AEBP1: variants seen among roughly 807,000 people sequenced by gnomAD.
AEBP1 encodes AE binding protein 1.
Under a neutral mutation model 116.5 loss-of-function variants are expected in AEBP1, and 69 were observed. The ratio of observed to expected loss-of-function variants is 0.59; its 90% CI spans 0.49 to 0.72. The LOEUF is 0.72. AEBP1 is among the 30% of genes least tolerant of loss of function. The pLI is 0.00. For synonymous variants in AEBP1, 627 were observed against 627.3 expected (o/e 1.00, Z 0.01); for missense variants, 1,444 against 1,557.5 (o/e 0.93, Z 1.23).
At chr7:44,110,498 C>A in intron 11 of AEBP1, 152 bp downstream of exon 11, 2 of 1,235,398 alleles carry the variant, frequency 1.6e-6, no homozygotes, top group South Asian at 2.9e-5. Context: ...CCCATCCCCA[C>A]TCCTCAGCCT....
chr7:44,104,949 G>C (rs2096221483), intron 1 of AEBP1, 31 bp downstream of exon 1: 1 of 1,493,248 alleles, frequency 6.7e-7, no homozygotes, highest in South Asian at 1.2e-5. Context: ...GGGGGTGTGG[G>C]GGGCTGGCAT....
At position 44,113,900 on chromosome 7, in the gene AEBP1, A is replaced by C. The variant is rs1349965867; in HGVS notation, c.3116A>C (p.Asn1039Thr). ...LRAQMRLRRLNATTTLGPHTV... is the reference protein window; with the variant it reads ...LRAQMRLRRLTATTTLGPHTV... ...GCACAGATGCGGCTGCGGCGCCTCA[A>C]CGCCACCACCACCCTAGGCCCCCAC... The change falls in exon 21 of 21, where the codon AAC becomes ACC. Residue 1039 changes from asparagine (N) to threonine (T), a missense_variant. Asn to Thr is a moderately conservative substitution (Grantham distance 65). Transcript: ENST00000223357. The surrounding 1 kb of genome is among the most constrained non-coding windows in gnomAD (Gnocchi z 5.3). 6.2e-7 allele frequency: 1 copy of C among 1,613,244 alleles called. No homozygotes were observed. Among genetic ancestry groups the C allele is most frequent in the South Asian group, 1.1e-5 (1 of 91,052 alleles).
chr7:44,104,758 C>T lies in AEBP1; in HGVS notation c.93C>T (p.Asp31=), dbSNP rs1368815323. The change falls in exon 1 of 21, where the codon GAC becomes GAT. Residue 31 remains aspartate (D), a synonymous_variant. Transcript: ENST00000223357. ...PGGRPQTVLT[D]DEIEEFLEGF... Reference sequence around the variant, plus strand: ...GGCGCCCGCAGACGGTGCTGACCGACGACGAGATCGAGGAGTTCCTCGAGG... The same window carrying T: ...GGCGCCCGCAGACGGTGCTGACCGATGACGAGATCGAGGAGTTCCTCGAGG... The T allele has an allele frequency of 1.9e-6, 3 of 1,611,724 alleles. No individual in the cohort carries two copies. Among genetic ancestry groups the T allele is most frequent in the Non-Finnish European group, 2.5e-6 (3 of 1,179,590 alleles).
Position 44,108,596 on chromosome 7 carries a change from C to A in AEBP1, c.941-303C>A, listed in dbSNP as rs139801229. ...TCTCCCCATCTCACCCCCCAGCCCG[C>A]AACCCCAGGCACAGGTGCCAGTTGT... On this transcript the variant is annotated intron_variant, in intron 6 of 20. Coordinates refer to ENST00000223357, the MANE Select transcript of AEBP1 (RefSeq NM_001129.5). The surrounding 1 kb of genome is among the most constrained non-coding windows in gnomAD (Gnocchi z 5.0). Among the ~76,000 whole-genome samples, 13 of 152,306 alleles carry A rather than the reference C, an allele frequency of 8.5e-5. No homozygotes were observed. In the East Asian group the frequency reaches 2.5e-3, roughly 29 times the overall value.
chr7:44,104,943 G>C (rs2128807766), intron 1 of AEBP1, 25 bp downstream of exon 1: 1 of 1,506,562 alleles, frequency 6.6e-7, no homozygotes, highest in East Asian at 2.5e-5. Flanking sequence ...CAGGGCGGGG[G>C]TGTGGGGGGC....
rs1051958078 is a variant in AEBP1, at chr7:44,114,521, G to A, written c.*260G>A. The A allele has an allele frequency of 7.1e-5, 44 of 619,496 alleles. No homozygotes were observed. Among genetic ancestry groups the A allele is most frequent in the Admixed American group, 2.4e-4 (8 of 33,908 alleles). 38.4% of individuals were successfully genotyped at this position (619,496 alleles called of 1,614,324 possible). On this transcript the variant is annotated 3_prime_UTR_variant, in exon 21 of 21. Transcript: ENST00000223357. ...TGCAGTGTTGGAGTAGGGGCAGAGG[G>A]AGGGAGCCAAGGTCACTCCAATAAA...
Position 44,112,856 on chromosome 7 carries a change from A to G in AEBP1, c.2516A>G (p.Tyr839Cys), listed in dbSNP as rs746004242. Residue 839 changes from tyrosine (Y) to cysteine (C), a missense_variant, in exon 18 of 21, where the codon TAC becomes TGC. Transcript: ENST00000223357. This position sits in a 1 kb window ranked among gnomAD's most constrained non-coding sequence, Gnocchi z 6.6. Reference protein sequence around the residue: ...PYRGGCQAQDYTGGMGIVNGA... With the variant: ...PYRGGCQAQDCTGGMGIVNGA... Reference sequence around the variant, plus strand: ...CGCGGAGGCTGCCAAGCCCAGGACTACACCGGCGGCATGGGCATCGTCAAC... The same window carrying G: ...CGCGGAGGCTGCCAAGCCCAGGACTGCACCGGCGGCATGGGCATCGTCAAC... 17 of 1,612,342 alleles carry G rather than the reference A, an allele frequency of 1.1e-5. No homozygotes were observed. The highest frequency in any genetic ancestry group is 1.4e-5 in the Non-Finnish European group (16 of 1,179,548).
At position 44,110,025 on chromosome 7, in the gene AEBP1, C is replaced by A; in HGVS notation, c.1161C>A (p.Pro387=). Reference sequence around the variant, plus strand: ...GGTACGCGTCCTCAGAGTGTCCCCCCATTGGGATGGAGTCACACCGTATTG... The same window carrying A: ...GGTACGCGTCCTCAGAGTGTCCCCCAATTGGGATGGAGTCACACCGTATTG... ...WTPTEKVKCP[P]IGMESHRIED... Residue 387 remains proline, a synonymous_variant, in exon 10 of 21, where the codon CCC becomes CCA. Coordinates refer to ENST00000223357, the MANE Select transcript of AEBP1 (RefSeq NM_001129.5). 5 of 1,612,812 alleles carry A rather than the reference C, an allele frequency of 3.1e-6. No individual in the cohort carries two copies. In the East Asian group the frequency reaches 1.1e-4, roughly 36 times the overall value.
At position 44,106,711 on chromosome 7, in the gene AEBP1, A is replaced by C; in HGVS notation, c.419A>C (p.Lys140Thr). 2 of 1,612,846 alleles carry C rather than the reference A, an allele frequency of 1.2e-6. No individual in the cohort carries two copies. The highest frequency in any genetic ancestry group is 1.3e-5 in the African/African-American group (1 of 74,834). ...AAGGAGAAGCCACCTAAGGCCACCA[A>C]GAAGCCCAAGGAGAAGCCACCCAAG... is the stretch of plus-strand genomic sequence containing the variant. The part of the protein sequence containing the change: ...KPKEKPPKAT[K>T]KPKEKPPKAT... The change falls in exon 2 of 21, where the codon AAG (lysine) becomes ACG (threonine). Residue 140 changes from lysine to threonine, a missense_variant. Transcript: ENST00000223357.
At position 44,112,965 on chromosome 7, in the gene AEBP1, T is replaced by C; in HGVS notation, c.2570-26T>C. 6.2e-7 allele frequency: 1 copy of C among 1,613,406 alleles called. No individual in the cohort carries two copies. The highest frequency in any genetic ancestry group is 8.5e-7 in the Non-Finnish European group (1 of 1,179,716). ...GGCCTGGTCCGGAGAGGGGCTGACT[T>C]TGGGTCTGTATCTGTCCCCGGCCAG... On this transcript the variant is annotated intron_variant, in intron 18 of 20. Coordinates refer to ENST00000223357, the MANE Select transcript of AEBP1 (RefSeq NM_001129.5). The surrounding 1 kb of genome is among the most constrained non-coding windows in gnomAD (Gnocchi z 6.6).
At position 44,106,706 on chromosome 7, in the gene AEBP1, C is replaced by T. The variant is rs773191591; in HGVS notation, c.414C>T (p.Ala138=). ...AGCCCAAGGAGAAGCCACCTAAGGC[C>T]ACCAAGAAGCCCAAGGAGAAGCCAC... ...TKKPKEKPPK[A]TKKPKEKPPK... is the part of the protein sequence containing the mutation. Residue 138 remains alanine (A), a synonymous_variant, in exon 2 of 21, where the codon GCC becomes GCT. Transcript: ENST00000223357. 1.2e-6 allele frequency: 2 copies of T among 1,612,550 alleles called. No individual in the cohort carries two copies. Among genetic ancestry groups the T allele is most frequent in the South Asian group, 2.2e-5 (2 of 90,890 alleles).
chr7:44,111,287 G>T lies in AEBP1; in HGVS notation c.1716+48G>T. On this transcript the variant is annotated intron_variant, in intron 14 of 20. Transcript: ENST00000223357. This position sits in a 1 kb window ranked among gnomAD's most constrained non-coding sequence, Gnocchi z 4.7. ...CTGGGGGTGGGACCTGTCTGTGGCT[G>T]ACGGGAGTGTGTGCCTGGTGCTTCT... is the stretch of plus-strand genomic sequence containing the variant. 1 of 1,480,674 alleles carries T rather than the reference G, an allele frequency of 6.8e-7. No individual in the cohort carries two copies. Among genetic ancestry groups the T allele is most frequent in the Non-Finnish European group, 9.0e-7 (1 of 1,111,894 alleles). The allele number at this position is 1,480,674 out of a possible 1,614,324, so 91.7% of individuals were successfully genotyped here. A position where few individuals can be genotyped will look rare whatever the true frequency, so the allele number is the denominator to read the frequency against.
intron 1 of AEBP1, among the ~76,000 whole-genome samples, chr7:44,105,652 T>C (rs957897046): frequency 3.9e-5 from 6 of 152,124 alleles, no homozygotes; most frequent in Admixed American, 2.0e-4. Flanking sequence ...TCCCACACCC[T>C]GGGCTGCCTG....
In AEBP1 at chr7:44,104,632, G is replaced by A. The variant is rs761505637; in HGVS notation, c.-34G>A. 5.0e-6 allele frequency: 7 copies of A among 1,392,360 alleles called. No individual in the cohort carries two copies. The South Asian group carries it at 9.8e-5, about 19-fold the overall frequency. 86.3% of individuals were successfully genotyped at this position (1,392,360 alleles called of 1,614,324 possible). A position where few individuals can be genotyped will look rare whatever the true frequency, so the allele number is the denominator to read the frequency against. ...AGACCCAGAGCCCCTGACCCCCCGC[G>A]CCCTCCCCGGAGCCCCCCGCGCGTG... On this transcript the variant is annotated 5_prime_UTR_variant, in exon 1 of 21. Coordinates refer to ENST00000223357, the MANE Select transcript of AEBP1 (RefSeq NM_001129.5).
In AEBP1 at chr7:44,111,117, C is replaced by T. The variant is rs777833008; in HGVS notation, c.1631-37C>T. The stretch of plus-strand genomic sequence containing the variant: ...AGGTGGGGTGCTAGGGTGGGCCAGC[C>T]GGCACCCAGCTAAAGACAACCCCGC... On this transcript the variant is annotated intron_variant, in intron 13 of 20. Coordinates refer to ENST00000223357, the MANE Select transcript of AEBP1 (RefSeq NM_001129.5). The surrounding 1 kb of genome is among the most constrained non-coding windows in gnomAD (Gnocchi z 4.7). 3.9e-5 allele frequency: 61 copies of T among 1,576,808 alleles called. No individual in the cohort carries two copies. Among genetic ancestry groups the T allele is most frequent in the East Asian group, 1.1e-4 (5 of 44,424 alleles).
intron 1 of AEBP1, 30 bp downstream of exon 1, chr7:44,104,948 G>A: frequency 6.7e-7 from 1 of 1,496,344 alleles, no homozygotes; most frequent in Non-Finnish European, 8.9e-7. Flanking sequence ...CGGGGGTGTG[G>A]GGGGCTGGCA....
chr7:44,113,412 G>A lies in AEBP1; in HGVS notation c.2809+61G>A. 1 of 1,529,856 alleles carries A rather than the reference G, an allele frequency of 6.5e-7. No individual in the cohort carries two copies. Among genetic ancestry groups the A allele is most frequent in the Non-Finnish European group, 8.9e-7 (1 of 1,124,942 alleles). 94.8% of individuals were successfully genotyped at this position (1,529,856 alleles called of 1,614,324 possible). ...AGGGAGGACCCGCCAGAGAGGGTGG[G>A]GGCTTGAGGAACTCAGCGAGCAGGT... is the stretch of plus-strand genomic sequence containing the variant. On this transcript the variant is annotated intron_variant, in intron 20 of 20. Coordinates refer to ENST00000223357, the MANE Select transcript of AEBP1 (RefSeq NM_001129.5). This position sits in a 1 kb window ranked among gnomAD's most constrained non-coding sequence, Gnocchi z 5.3.
chr7:44,110,963 A>G lies in AEBP1; in HGVS notation c.1536A>G (p.Pro512=). ...ACACACCCGTGCTGAGTGAGCTCCC[A>G]GAGCCGGTGGTGGCTCGTTTCATCC... is the stretch of plus-strand genomic sequence containing the variant. The part of the protein sequence containing the change: ...DKDTPVLSEL[P]EPVVARFIRI... Residue 512 remains proline, a synonymous_variant, in exon 13 of 21, where the codon CCA becomes CCG. Coordinates refer to ENST00000223357, the MANE Select transcript of AEBP1 (RefSeq NM_001129.5). 1 of 1,614,034 alleles carries G rather than the reference A, an allele frequency of 6.2e-7. No homozygotes were observed. The highest frequency in any genetic ancestry group is 1.3e-5 in the African/African-American group (1 of 75,058).
Position 44,107,915 on chromosome 7 carries a change from C to A in AEBP1, c.846C>A (p.Ala282=). 6.3e-7 allele frequency: 1 copy of A among 1,590,440 alleles called. No homozygotes were observed. The highest frequency in any genetic ancestry group is 1.7e-5 in the Admixed American group (1 of 57,248). Residue 282 remains alanine, a synonymous_variant, in exon 5 of 21, where the codon GCC becomes GCA. Coordinates refer to ENST00000223357, the MANE Select transcript of AEBP1 (RefSeq NM_001129.5). The surrounding 1 kb of genome is among the most constrained non-coding windows in gnomAD (Gnocchi z 4.3). The part of the protein sequence containing the change: ...EPPEEKAPAP[A]PEERIEPPVK... The stretch of plus-strand genomic sequence containing the variant: ...CTGAGGAGAAGGCCCCGGCCCCAGC[C>A]CCGGAGGAGAGGATTGGTAGGATGG...
Sources: gnomAD v4.1 joint callset for allele counts (sites outside exome capture counted in the v4.1 genomes callset) on GRCh38, gnomAD v4.1.1 for gene constraint, Gnocchi (gnomAD v3.1) non-coding constraint, MANE v1.5 for transcripts, NCBI Gene and HGNC (gene_info 2026-07-23, HGNC 2026-07-21) for gene names.